Variants in PTPRD observed in about 807,000 individuals in gnomAD.
PTPRD encodes the protein protein tyrosine phosphatase receptor type D, also known as receptor-type tyrosine-protein phosphatase delta.
In PTPRD, 34 loss-of-function variants were observed where a neutral mutation model predicts 214.5. The ratio of observed to expected loss-of-function variants is 0.16; its 90% CI spans 0.12 to 0.21. PTPRD has a LOEUF of 0.21. Among genes scored for constraint, PTPRD ranks in the 10% least tolerant of loss-of-function variants. The pLI, the probability that PTPRD is intolerant of heterozygous loss-of-function variation, is 1.00. For synonymous variants in PTPRD, 1,128 were observed against 845.7 expected (o/e 1.33, Z -5.79); for missense variants, 2,545 against 2,398.7 (o/e 1.06, Z -1.27).
At chr9:9,522,784 T>A (rs1792430464) in intron 8 of PTPRD, among the ~76,000 whole-genome samples, 1 of 152,176 alleles carries the variant, frequency 6.6e-6, no homozygotes, top group South Asian at 2.1e-4. Context: ...AACTTAAGGC[T>A]CTTTAGATTT....
At chr9:9,895,488 T>C (rs1345499857) in intron 5 of PTPRD, among the ~76,000 whole-genome samples, 1 of 152,070 alleles carries the variant, frequency 6.6e-6, no homozygotes, top group Non-Finnish European at 1.5e-5. Flanking sequence ...AATTTTTAAG[T>C]AATTTTTCAA....
chr9:10,344,913 G>A (rs1319431601), intron 2 of PTPRD, among the ~76,000 whole-genome samples: 1 of 151,998 alleles, frequency 6.6e-6, no homozygotes, highest in Admixed American at 6.6e-5. Context: ...TGCTTTCTCT[G>A]TTGTCTCATA....
intron 11 of PTPRD, among the ~76,000 whole-genome samples, chr9:8,907,104 T>A (rs1320559375): frequency 6.6e-6 from 1 of 151,860 alleles, no homozygotes. Context: ...CATACTACAA[T>A]AGAGATAGAT....
chr9:9,701,720 T>G (rs971716845), intron 7 of PTPRD, among the ~76,000 whole-genome samples: 4 of 152,160 alleles, frequency 2.6e-5, no homozygotes, highest in Admixed American at 6.6e-5. Context: ...AAATTCCTTT[T>G]CAAATGAGAA....
At chr9:9,679,410 A>G (rs2097016120) in intron 7 of PTPRD, among the ~76,000 whole-genome samples, 1 of 151,944 alleles carries the variant, frequency 6.6e-6, no homozygotes, top group Non-Finnish European at 1.5e-5. Context: ...TACCTATAGA[A>G]GAAACAAACT....
At chr9:8,531,817 C>G (rs1724014872) in intron 14 of PTPRD, among the ~76,000 whole-genome samples, 1 of 152,076 alleles carries the variant, frequency 6.6e-6, no homozygotes, top group African/African-American at 2.4e-5. Context: ...AAGCCACTTA[C>G]TAAAGGCTCT....
chr9:9,641,489 G>T (rs1261201360), intron 7 of PTPRD, among the ~76,000 whole-genome samples: 1 of 152,122 alleles, frequency 6.6e-6, no homozygotes, highest in African/African-American at 2.4e-5. Context: ...GAAATGATAA[G>T]AGGCTATAGG....
chr9:9,166,989 T>C (rs1333961553), intron 10 of PTPRD, among the ~76,000 whole-genome samples: 2 of 151,620 alleles, frequency 1.3e-5, no homozygotes, highest in African/African-American at 2.4e-5. Flanking sequence ...AAGTATTAAG[T>C]ACTGTGTGCA....
At chr9:8,739,972 T>C (rs1323061933) in intron 11 of PTPRD, among the ~76,000 whole-genome samples, 1 of 152,220 alleles carries the variant, frequency 6.6e-6, no homozygotes, top group Non-Finnish European at 1.5e-5. Context: ...CATGTGGAAC[T>C]GTAAGTCCAT....
Position 8,449,607 on chromosome 9 carries a change from A to T in PTPRD, c.3988+118T>A, listed in dbSNP as rs148115442. ...GCAAGTCTCCATAATAGTAAAATAA[A>T]AGAGCAGGATGAACAAAATGGCTCA... On this transcript the variant is annotated intron_variant, in intron 34 of 45. Transcript: ENST00000381196. 4,703 of 932,828 alleles carry T rather than the reference A, an allele frequency of 5.0e-3. 22 individuals are homozygous for T. The highest frequency in any genetic ancestry group is 6.0e-3 in the Middle Eastern group (26 of 4,362). 57.8% of individuals were successfully genotyped at this position (932,828 alleles called of 1,614,324 possible).
At chr9:9,899,489 CCACTGTGAGATAT>C (rs1470412568) in intron 5 of PTPRD, among the ~76,000 whole-genome samples, 1 of 151,790 alleles carries the variant, frequency 6.6e-6, no homozygotes, top group Non-Finnish European at 1.5e-5. Context: ...CAAATTAAAG[CCACTGTGAGATAT>C]CACCTCACAC....
chr9:9,985,985 T>A (rs1383564990), intron 4 of PTPRD, among the ~76,000 whole-genome samples: 3 of 152,084 alleles, frequency 2.0e-5, no homozygotes, highest in Admixed American at 6.5e-5. Context: ...GAAGACTACT[T>A]AATTTGGTTT....
chr9:9,331,948 T>C (rs1368559047), intron 9 of PTPRD, among the ~76,000 whole-genome samples: 2 of 151,836 alleles, frequency 1.3e-5, no homozygotes, highest in African/African-American at 2.4e-5. Flanking sequence ...TGACCTAGAG[T>C]TGTTGCTTGA....
intron 11 of PTPRD, among the ~76,000 whole-genome samples, chr9:8,866,598 A>G (rs1348641643): frequency 1.3e-5 from 2 of 152,288 alleles, no homozygotes; most frequent in East Asian, 1.9e-4. Flanking sequence ...GACATCTACC[A>G]CAAATGGAAT....
intron 5 of PTPRD, among the ~76,000 whole-genome samples, chr9:9,872,594 C>G (rs934659118): frequency 6.6e-6 from 1 of 151,968 alleles, no homozygotes; most frequent in East Asian, 1.9e-4. Context: ...TGTGTCAAAA[C>G]AACCACCACC....
intron 14 of PTPRD, among the ~76,000 whole-genome samples, chr9:8,607,679 A>T (rs1288153604): frequency 6.6e-6 from 1 of 152,048 alleles, no homozygotes; most frequent in African/African-American, 2.4e-5. Context: ...TTAATTAAAA[A>T]CGAATGGGAG....
chr9:10,394,042 C>A (rs995599343), intron 2 of PTPRD, among the ~76,000 whole-genome samples: 2 of 145,176 alleles, frequency 1.4e-5, no homozygotes, highest in Non-Finnish European at 3.0e-5. Context: ...TAAATAGATA[C>A]CCATATATAC....
intron 39 of PTPRD, among the ~76,000 whole-genome samples, chr9:8,370,207 TACAC>T (rs78658053): frequency 0.012 from 945 of 82,060 alleles, 11 homozygotes; most frequent in African/African-American, 0.031. Context: ...CATATATATA[TACAC>T]ACACACACAC....
intron 7 of PTPRD, among the ~76,000 whole-genome samples, chr9:9,586,090 G>T (rs370373074): frequency 6.6e-6 from 1 of 151,984 alleles, no homozygotes; most frequent in Non-Finnish European, 1.5e-5. Flanking sequence ...GTTGTGGTTT[G>T]GTTTCCTGGG....
Sources: gnomAD v4.1 joint callset for allele counts (sites outside exome capture counted in the v4.1 genomes callset) on GRCh38, gnomAD v4.1.1 for gene constraint, MANE v1.5 for transcripts, NCBI Gene and HGNC (gene_info 2026-07-23, HGNC 2026-07-21) for gene names.